The following ZFHX3 variants were observed in gnomAD, a reference collection of about 807,000 sequenced individuals.
The protein encoded by ZFHX3 is zinc finger homeobox protein 3.
A neutral mutation model predicts 279.1 loss-of-function variants in ZFHX3; 42 were observed. The observed-to-expected ratio is 0.15, with a 90% CI of 0.12 to 0.19. The LOEUF (loss-of-function observed/expected upper bound fraction) is 0.19. ZFHX3 is among the 10% of genes least tolerant of loss of function. The pLI is 1.00. For synonymous variants in ZFHX3, 2,293 were observed against 1,957.8 expected (o/e 1.17, Z -4.52); for missense variants, 4,981 against 4,754.0 (o/e 1.05, Z -1.40).
chr16:73,474,635 C>G (rs1481956616), intron 2 of ZFHX3, among the ~76,000 whole-genome samples: 1 of 152,136 alleles, frequency 6.6e-6, no homozygotes, highest in East Asian at 1.9e-4. Context: ...CTTTAGTCCC[C>G]TCTTACAAGC....
upstream of ZFHX3, among the ~76,000 whole-genome samples, chr16:73,052,773 C>T (rs531315424): frequency 6.6e-6 from 1 of 152,096 alleles, no homozygotes; most frequent in African/African-American, 2.4e-5. Context: ...TTTCTGTCTC[C>T]CCGGAGCAAT....
At chr16:73,070,509 G>A (rs1415246854) in intron 8 of ZFHX3, among the ~76,000 whole-genome samples, 1 of 152,050 alleles carries the variant, frequency 6.6e-6, no homozygotes, top group Non-Finnish European at 1.5e-5. Flanking sequence ...TCCTTGACTT[G>A]TAAGAATGCA....
At position 73,784,786 on chromosome 16, in the gene ZFHX3, T is replaced by TAAA. The variant is rs66537411; in HGVS notation, c.-1607-104549_-1607-104547dup. Among the ~76,000 whole-genome samples the TAAA allele has an allele frequency of 5.4e-3, 723 of 133,736 alleles. 3 individuals are homozygous for TAAA. Among genetic ancestry groups the TAAA allele is most frequent in the African/African-American group, 0.015 (519 of 33,888 alleles). The allele number at this position is 133,736 out of a possible 152,430, so 87.7% of individuals were successfully genotyped here. On this transcript the variant is annotated intron_variant, in intron 1 of 17. Transcript: ENST00000641206. ...TTTTAAAAAACTATTTTTAACAAAA[T>TAAA]AAAAAAAAAAATATATATATATATA...
intron 1 of ZFHX3, among the ~76,000 whole-genome samples, chr16:73,851,601 A>G (rs1306453677): frequency 1.3e-5 from 2 of 152,218 alleles, no homozygotes; most frequent in African/African-American, 4.8e-5. Flanking sequence ...TACATATAAA[A>G]TCTTCAAAGT....
At chr16:73,149,135 T>TTA (rs1317874118) in intron 5 of ZFHX3, among the ~76,000 whole-genome samples, 1 of 148,474 alleles carries the variant, frequency 6.7e-6, no homozygotes, top group Admixed American at 6.7e-5. Flanking sequence ...TACATTAATA[T>TTA]TATAGACTAT....
At chr16:73,076,731 C>T (rs995736979) in intron 8 of ZFHX3, among the ~76,000 whole-genome samples, 1 of 152,140 alleles carries the variant, frequency 6.6e-6, no homozygotes, top group Non-Finnish European at 1.5e-5. Context: ...TCCTCTTATT[C>T]CCCCCACCTC....
intron 3 of ZFHX3, among the ~76,000 whole-genome samples, chr16:73,383,102 G>A (rs1473022340): frequency 6.6e-6 from 1 of 152,230 alleles, no homozygotes; most frequent in Non-Finnish European, 1.5e-5. Context: ...GGAGGAGGGG[G>A]TTGCACTGAA....
chr16:73,125,670 C>T (rs1211707926), intron 7 of ZFHX3, among the ~76,000 whole-genome samples: 1 of 152,122 alleles, frequency 6.6e-6, no homozygotes, highest in Non-Finnish European at 1.5e-5. Context: ...GAACACTGGA[C>T]TCCAAATTCT....
chr16:73,109,969 A>G (rs1966352210), intron 7 of ZFHX3, among the ~76,000 whole-genome samples: 1 of 152,206 alleles, frequency 6.6e-6, no homozygotes, highest in Non-Finnish European at 1.5e-5. Context: ...GGCGGGGCGC[A>G]GTGGCTCATG....
At chr16:73,778,236 TA>T (rs10654824) in intron 1 of ZFHX3, among the ~76,000 whole-genome samples, 1,419 of 58,648 alleles carry the variant, frequency 0.024, 19 homozygotes, top group East Asian at 0.029. Flanking sequence ...GAAGGAGTGT[TA>T]AAAAAAAAAA....
intron 5 of ZFHX3, among the ~76,000 whole-genome samples, chr16:73,186,094 G>A (rs928747101): frequency 6.6e-6 from 1 of 152,052 alleles, no homozygotes; most frequent in African/African-American, 2.4e-5. Flanking sequence ...ACCCCCACAT[G>A]GGACCATCTA....
At chr16:73,559,040 C>CTT (rs549093748) in intron 2 of ZFHX3, among the ~76,000 whole-genome samples, 3,413 of 150,316 alleles carry the variant, frequency 0.023, 126 homozygotes, top group African/African-American at 0.08. Context: ...AAGCACTCCT[C>CTT]TTTTTGTGTG....
chr16:73,808,171 A>G (rs1291196177), intron 1 of ZFHX3, among the ~76,000 whole-genome samples: 2 of 135,322 alleles, frequency 1.5e-5, no homozygotes, highest in Non-Finnish European at 3.0e-5. Context: ...AGACTTGGGA[A>G]GAAAAAGGGA....
chr16:73,377,958 G>A (rs142169364), intron 3 of ZFHX3, among the ~76,000 whole-genome samples: 5,751 of 146,218 alleles, frequency 0.039, 294 homozygotes, highest in African/African-American at 0.12. Flanking sequence ...GCGTGAACCC[G>A]GGAGGCGGAG....
intron 1 of ZFHX3, among the ~76,000 whole-genome samples, chr16:73,724,598 A>C (rs2053502651): frequency 6.6e-6 from 1 of 152,188 alleles, no homozygotes; most frequent in Non-Finnish European, 1.5e-5. Flanking sequence ...AAACACACGA[A>C]TAGCCTGTTG....
intron 4 of ZFHX3, among the ~76,000 whole-genome samples, chr16:72,887,989 G>C (rs2038673309): frequency 2.6e-5 from 4 of 152,204 alleles, no homozygotes; most frequent in Admixed American, 2.0e-4. Flanking sequence ...TTGTGGAACA[G>C]CACACTGGTG....
chr16:73,886,057 A>G (rs1597158550), intron 1 of ZFHX3, among the ~76,000 whole-genome samples: 1 of 152,182 alleles, frequency 6.6e-6, no homozygotes, highest in Non-Finnish European at 1.5e-5. Context: ...ATCAAATTCA[A>G]ATTAATCCTG....
chr16:73,889,626 G>T (rs1291483022), intron 1 of ZFHX3, among the ~76,000 whole-genome samples: 1 of 152,166 alleles, frequency 6.6e-6, no homozygotes, highest in Non-Finnish European at 1.5e-5. Flanking sequence ...ATCCAAAGGA[G>T]GCAAGTGGAT....
chr16:72,947,665 C>A lies in ZFHX3; in HGVS notation c.3216+2804G>T, dbSNP rs573431873. ...GCCGCGGAGAGCAGCTTTGGAGAGCCGCCCTGGCTGATCATGAATAATTTG... is the reference window on the plus strand; with the variant it reads ...GCCGCGGAGAGCAGCTTTGGAGAGCAGCCCTGGCTGATCATGAATAATTTG... On this transcript the variant is annotated intron_variant, in intron 3 of 9. Coordinates refer to ENST00000268489, the MANE Select transcript of ZFHX3 (RefSeq NM_006885.4). 1.3e-5 allele frequency among the ~76,000 whole-genome samples: 2 copies of A among 152,120 alleles called. 1 individual carries two copies. The highest frequency in any genetic ancestry group is 4.8e-5 in the African/African-American group (2 of 41,496).
Sources: gnomAD v4.1 joint callset for allele counts (sites outside exome capture counted in the v4.1 genomes callset) on GRCh38, gnomAD v4.1.1 for gene constraint, MANE v1.5 for transcripts, NCBI Gene and HGNC (gene_info 2026-07-23, HGNC 2026-07-21) for gene names.